EYA4: variants seen among roughly 807,000 people sequenced by gnomAD.
The protein encoded by EYA4 is EYA transcriptional coactivator and phosphatase 4.
A neutral mutation model predicts 87.9 loss-of-function variants in EYA4; 31 were observed. The ratio of observed to expected loss-of-function variants is 0.35; its 90% CI spans 0.27 to 0.48. The LOEUF (loss-of-function observed/expected upper bound fraction) is 0.48. EYA4 is among the 20% of genes least tolerant of loss of function. The pLI, the probability that EYA4 is intolerant of heterozygous loss-of-function variation, is 0.99. For synonymous variants in EYA4, 263 were observed against 270.6 expected, an observed-to-expected ratio of 0.97 and a Z score of 0.28; for missense variants, 678 against 761.4, an observed-to-expected ratio of 0.89 and a Z score of 1.29.
At chr6:133,409,764 C>T (rs1789044377) in intron 3 of EYA4, among the ~76,000 whole-genome samples, 1 of 152,056 alleles carries the variant, frequency 6.6e-6, no homozygotes, top group Non-Finnish European at 1.5e-5. Flanking sequence ...AAATCTAAAG[C>T]ACTGGTGTGA....
chr6:133,426,827 T>C (rs1790713254), intron 3 of EYA4, among the ~76,000 whole-genome samples: 2 of 152,240 alleles, frequency 1.3e-5, no homozygotes, highest in African/African-American at 2.4e-5. Flanking sequence ...TTGCTAAAGT[T>C]GGCACCTGCA....
intron 2 of EYA4, among the ~76,000 whole-genome samples, chr6:133,357,180 A>C (rs1049501257): frequency 6.8e-6 from 1 of 146,346 alleles, no homozygotes; most frequent in African/African-American, 2.6e-5. Flanking sequence ...CTGAGGCAGG[A>C]GAATGGCGTG....
At chr6:133,297,210 A>G (rs1359578077) in intron 2 of EYA4, among the ~76,000 whole-genome samples, 1 of 151,920 alleles carries the variant, frequency 6.6e-6, no homozygotes, top group Non-Finnish European at 1.5e-5. Context: ...TTGAGCTCCT[A>G]TTGTCTTGAA....
chr6:133,380,510 T>C (rs1214289874), intron 2 of EYA4, among the ~76,000 whole-genome samples: 1 of 152,148 alleles, frequency 6.6e-6, no homozygotes, highest in African/African-American at 2.4e-5. Context: ...AGCATATGTC[T>C]AGTTTGTGGT....
intron 3 of EYA4, among the ~76,000 whole-genome samples, chr6:133,393,661 A>G (rs1787499095): frequency 6.6e-6 from 1 of 152,170 alleles, no homozygotes. Flanking sequence ...AGAAAAAGCT[A>G]CTATTTCTAG....
At chr6:133,512,473 T>C (rs1158599902) in intron 14 of EYA4, among the ~76,000 whole-genome samples, 1 of 152,198 alleles carries the variant, frequency 6.6e-6, no homozygotes, top group East Asian at 1.9e-4. Context: ...TAAATTGCTC[T>C]AAAGAAACTC....
chr6:133,247,134 TGAAGTCAAA>T (rs1012176012), intron 1 of EYA4: 12 of 152,210 alleles, frequency 7.9e-5, no homozygotes, highest in African/African-American at 2.9e-4. Context: ...AACAAAGTAT[TGAAGTCAAA>T]GAAAAAAAAT....
At chr6:133,259,881 GT>G (rs1775653833) in intron 1 of EYA4, among the ~76,000 whole-genome samples, 1 of 152,080 alleles carries the variant, frequency 6.6e-6, no homozygotes, top group Non-Finnish European at 1.5e-5. Context: ...TTTTGTTATT[GT>G]TTTTGTTGTC....
intron 2 of EYA4, among the ~76,000 whole-genome samples, chr6:133,349,905 A>G (rs1399167475): frequency 6.6e-6 from 1 of 152,122 alleles, no homozygotes; most frequent in Non-Finnish European, 1.5e-5. Context: ...CCAATTTGAG[A>G]GCTCTAGTAA....
At chr6:133,470,041 G>A (rs1795196412) in intron 11 of EYA4, among the ~76,000 whole-genome samples, 1 of 150,510 alleles carries the variant, frequency 6.6e-6, no homozygotes, top group African/African-American at 2.4e-5. Context: ...GTTGTAGGTT[G>A]CCTGTTCACT....
intron 2 of EYA4, among the ~76,000 whole-genome samples, chr6:133,300,969 C>A (rs9373047): frequency 0.12 from 17,958 of 152,164 alleles, 1,329 homozygotes; most frequent in Non-Finnish European, 0.17. Context: ...AAATTAAAAG[C>A]AAAGTTTTTG....
intron 3 of EYA4, among the ~76,000 whole-genome samples, chr6:133,433,768 G>A (rs144847294): frequency 2.0e-5 from 3 of 152,322 alleles, no homozygotes; most frequent in African/African-American, 7.2e-5. Flanking sequence ...CAGACAGGCT[G>A]AAACAATGGA....
intron 2 of EYA4, among the ~76,000 whole-genome samples, chr6:133,370,142 A>G (rs1447607632): frequency 2.6e-5 from 4 of 152,186 alleles, no homozygotes; most frequent in South Asian, 2.1e-4. Context: ...CTCTCAGAGC[A>G]TTCTGTAAAC....
At chr6:133,420,934 A>G (rs1455787915) in intron 3 of EYA4, among the ~76,000 whole-genome samples, 2 of 152,226 alleles carry the variant, frequency 1.3e-5, no homozygotes, top group Admixed American at 6.5e-5. Flanking sequence ...AGAATAGGGT[A>G]CTGTTTAACA....
intron 3 of EYA4, among the ~76,000 whole-genome samples, chr6:133,441,372 C>T (rs1792272122): frequency 6.6e-6 from 1 of 152,138 alleles, no homozygotes; most frequent in Non-Finnish European, 1.5e-5. Flanking sequence ...TATAGAGATA[C>T]ATACTGTTAT....
chr6:133,446,848 TATC>T (rs1792894329), intron 4 of EYA4, 94 bp downstream of exon 4: 10 of 1,133,370 alleles, frequency 8.8e-6, no homozygotes, highest in South Asian at 1.3e-5. Context: ...AATATCTTAT[TATC>T]AATAACACAA....
intron 3 of EYA4, among the ~76,000 whole-genome samples, chr6:133,392,208 G>T (rs1313613121): frequency 1.3e-5 from 2 of 151,972 alleles, no homozygotes; most frequent in Non-Finnish European, 2.9e-5. Context: ...CTTCTCTTCG[G>T]CTCTCAAATA....
intron 3 of EYA4, among the ~76,000 whole-genome samples, chr6:133,407,024 T>C (rs1254065407): frequency 6.6e-6 from 1 of 152,200 alleles, no homozygotes; most frequent in African/African-American, 2.4e-5. Flanking sequence ...AGATTTTACA[T>C]AGAGCTGGTA....
intron 3 of EYA4, among the ~76,000 whole-genome samples, chr6:133,429,029 C>T (rs1291739367): frequency 5.7e-5 from 8 of 141,554 alleles, no homozygotes; most frequent in South Asian, 4.7e-4. Context: ...CAGGTTCAAG[C>T]GATTCTCCTG....
Sources: gnomAD v4.1 joint callset for allele counts (sites outside exome capture counted in the v4.1 genomes callset) on GRCh38, gnomAD v4.1.1 for gene constraint, MANE v1.5 for transcripts, NCBI Gene and HGNC (gene_info 2026-07-23, HGNC 2026-07-21) for gene names.